The following EYS variants were observed in gnomAD, a reference collection of about 807,000 sequenced individuals.
EYS encodes protein eyes shut homolog.
EYS carries 250 observed loss-of-function variants against 282.1 expected under a neutral mutation model. That is an observed-to-expected ratio of 0.89 (90% confidence interval 0.80 to 0.98). EYS has a LOEUF of 0.98. Ranked by LOEUF, EYS falls within the 50% of genes least tolerant of loss-of-function variation. The pLI, the probability that EYS is intolerant of heterozygous loss-of-function variation, is 0.00. For missense variants in EYS, 4,016 were observed against 3,709.0 expected (o/e 1.08, Z -2.15); for synonymous variants, 1,355 against 1,282.9 (o/e 1.06, Z -1.20).
At chr6:64,895,877 G>A (rs937591326) in intron 18 of EYS, among the ~76,000 whole-genome samples, 3 of 151,664 alleles carry the variant, frequency 2.0e-5, no homozygotes, top group African/African-American at 7.3e-5. Context: ...TATTTTAAAA[G>A]GAAATATAGG....
At position 64,902,100 on chromosome 6, in the gene EYS, A is replaced by C; in HGVS notation, c.2846+13T>G. Reference sequence around the variant, plus strand: ...ACATCAAATAATTAATTTAATAAAAAGTAGCTTCTCACCTGTTTGTCAGAT... The same window carrying C: ...ACATCAAATAATTAATTTAATAAAACGTAGCTTCTCACCTGTTTGTCAGAT... On this transcript the variant is annotated intron_variant, in intron 18 of 42. Coordinates refer to ENST00000503581, the MANE Select transcript of EYS (RefSeq NM_001142800.2). 1 of 1,499,026 alleles carries C rather than the reference A, an allele frequency of 6.7e-7. No individual in the cohort carries two copies. Among genetic ancestry groups the C allele is most frequent in the Non-Finnish European group, 9.0e-7 (1 of 1,108,766 alleles). The allele number at this position is 1,499,026 out of a possible 1,614,324, so 92.9% of individuals were successfully genotyped here.
chr6:64,280,275 C>T (rs1768258675), intron 30 of EYS, among the ~76,000 whole-genome samples: 1 of 152,022 alleles, frequency 6.6e-6, no homozygotes, highest in Non-Finnish European at 1.5e-5. Flanking sequence ...ATCCTGTGAA[C>T]AAATACACTG....
chr6:64,617,231 G>T (rs934186596), intron 24 of EYS, among the ~76,000 whole-genome samples, 187 bp downstream of exon 24: 1 of 152,150 alleles, frequency 6.6e-6, no homozygotes, highest in Non-Finnish European at 1.5e-5. Context: ...AGGACTGAGG[G>T]TGCAAGTGAT....
At chr6:64,765,029 G>C (rs561353984) in intron 22 of EYS, among the ~76,000 whole-genome samples, 14 of 152,022 alleles carry the variant, frequency 9.2e-5, no homozygotes, top group Non-Finnish European at 1.9e-4. Flanking sequence ...CAGCCACCGC[G>C]CCTGCCCCTT....
chr6:64,653,652 C>A (rs970785313), intron 22 of EYS, among the ~76,000 whole-genome samples: 4 of 151,828 alleles, frequency 2.6e-5, no homozygotes, highest in Admixed American at 6.6e-5. Context: ...GCAGCCTCAA[C>A]CTTTTGGGCT....
chr6:64,667,390 C>T (rs1769270921), intron 22 of EYS, among the ~76,000 whole-genome samples: 2 of 152,032 alleles, frequency 1.3e-5, no homozygotes, highest in South Asian at 2.1e-4. Context: ...TGCCCCAGTG[C>T]CTCCTTGCAG....
rs1771893657 is a variant in EYS at position 63,839,494 on chromosome 6, G to T, written c.7228+24692C>A. On this transcript the variant is annotated intron_variant, in intron 36 of 42. Transcript: ENST00000503581. The stretch of plus-strand genomic sequence containing the variant: ...GGCACTTAGGTTGATTTTATATTTT[G>T]GCTTTATTTATTTATTTAAAATATT... 2.0e-5 allele frequency among the ~76,000 whole-genome samples: 3 copies of T among 151,880 alleles called. No individual in the cohort carries two copies. In the South Asian group the frequency reaches 6.2e-4, roughly 32 times the overall value.
chr6:65,191,934 T>G (rs1562014018), intron 12 of EYS, among the ~76,000 whole-genome samples: 1 of 148,446 alleles, frequency 6.7e-6, no homozygotes, highest in African/African-American at 2.5e-5. Flanking sequence ...GGTAATGCAT[T>G]GTATTCATTT....
At chr6:64,633,905 T>C (rs1035025521) in intron 22 of EYS, among the ~76,000 whole-genome samples, 1 of 152,156 alleles carries the variant, frequency 6.6e-6, no homozygotes, top group African/African-American at 2.4e-5. Context: ...TGAAATATAC[T>C]AAGCCAGCAC....
chr6:64,753,987 A>G (rs1172429274), intron 22 of EYS, among the ~76,000 whole-genome samples: 2 of 152,100 alleles, frequency 1.3e-5, no homozygotes, highest in South Asian at 2.1e-4. Context: ...AAATTAAACA[A>G]TCTATTCCTG....
chr6:65,031,857 A>G (rs1772615037), intron 13 of EYS, among the ~76,000 whole-genome samples: 1 of 138,178 alleles, frequency 7.2e-6, no homozygotes, highest in Admixed American at 6.9e-5. Flanking sequence ...GAAAGTTAGC[A>G]GAAAAAAAAA....
intron 5 of EYS, among the ~76,000 whole-genome samples, chr6:65,443,146 C>G (rs893226137): frequency 4.0e-5 from 6 of 150,530 alleles, no homozygotes; most frequent in African/African-American, 1.5e-4. Context: ...CATATATGTA[C>G]ACATCATACA....
At chr6:64,503,042 T>C (rs1350271763) in intron 26 of EYS, among the ~76,000 whole-genome samples, 1 of 152,222 alleles carries the variant, frequency 6.6e-6, no homozygotes, top group Non-Finnish European at 1.5e-5. Flanking sequence ...TTTACAGCAG[T>C]GATGTTATTT....
intron 28 of EYS, among the ~76,000 whole-genome samples, chr6:64,409,400 C>CA (rs1202698113): frequency 6.6e-6 from 1 of 152,034 alleles, no homozygotes; most frequent in Non-Finnish European, 1.5e-5. Context: ...GCAATTGTAA[C>CA]AAAAACAAAA....
intron 26 of EYS, among the ~76,000 whole-genome samples, chr6:64,535,382 A>G (rs1403303856): frequency 6.6e-6 from 1 of 152,200 alleles, no homozygotes; most frequent in East Asian, 1.9e-4. Flanking sequence ...GTTGAAGAAC[A>G]GAATAACATG....
At chr6:64,224,323 T>TAA (rs1418815066) in intron 31 of EYS, among the ~76,000 whole-genome samples, 1 of 152,066 alleles carries the variant, frequency 6.6e-6, no homozygotes, top group Non-Finnish European at 1.5e-5. Flanking sequence ...TTCCCCACCA[T>TAA]AATCCTTTCT....
At chr6:65,624,497 C>G (rs1339256647) in intron 2 of EYS, among the ~76,000 whole-genome samples, 3 of 152,054 alleles carry the variant, frequency 2.0e-5, no homozygotes, top group Non-Finnish European at 4.4e-5. Flanking sequence ...TGAGTGTCAG[C>G]TTGATTGGAT....
At chr6:65,211,081 C>T (rs752228309) in intron 12 of EYS, among the ~76,000 whole-genome samples, 4 of 151,796 alleles carry the variant, frequency 2.6e-5, no homozygotes, top group Admixed American at 6.6e-5. Flanking sequence ...AGTGTTTACA[C>T]GAGTATTAGC....
chr6:65,188,674 A>G (rs143692566), intron 12 of EYS, among the ~76,000 whole-genome samples: 203 of 151,152 alleles, frequency 1.3e-3, no homozygotes, highest in African/African-American at 4.5e-3. Flanking sequence ...GCAGGTCCCA[A>G]TGTAATCACA....
Sources: gnomAD v4.1 joint callset for allele counts (sites outside exome capture counted in the v4.1 genomes callset) on GRCh38, gnomAD v4.1.1 for gene constraint, MANE v1.5 for transcripts, NCBI Gene and HGNC (gene_info 2026-07-23, HGNC 2026-07-21) for gene names.